NAALADL2: variants seen among roughly 807,000 people sequenced by gnomAD.
NAALADL2 encodes N-acetylated alpha-linked acidic dipeptidase like 2, also known as inactive N-acetylated-alpha-linked acidic dipeptidase-like protein 2.
Under a neutral mutation model 87.2 loss-of-function variants are expected in NAALADL2, and 76 were observed. That is an observed-to-expected ratio of 0.87 (90% CI 0.72 to 1.05). NAALADL2 has a LOEUF of 1.05. NAALADL2 is among the 50% of genes least tolerant of loss of function. NAALADL2 has a pLI of 0.00. For missense variants in NAALADL2, 1,089 were observed against 945.8 expected, an observed-to-expected ratio of 1.15 and a Z score of -1.99; for synonymous variants, 354 against 331.0, an observed-to-expected ratio of 1.07 and a Z score of -0.75.
chr3:175,411,792 A>G (rs1370990564), intron 5 of NAALADL2, among the ~76,000 whole-genome samples: 4 of 152,114 alleles, frequency 2.6e-5, no homozygotes, highest in African/African-American at 9.7e-5. Flanking sequence ...ATTACGTTGT[A>G]TCACTGACTA....
At chr3:175,205,658 C>T (rs1394695165) in intron 2 of NAALADL2, among the ~76,000 whole-genome samples, 3 of 152,036 alleles carry the variant, frequency 2.0e-5, no homozygotes, top group Non-Finnish European at 2.9e-5. Flanking sequence ...GTTAAACAGA[C>T]AACCCACAGA....
intron 2 of NAALADL2, among the ~76,000 whole-genome samples, chr3:174,577,640 A>G (rs1715678361): frequency 6.6e-6 from 1 of 152,148 alleles, no homozygotes; most frequent in Non-Finnish European, 1.5e-5. Flanking sequence ...AGCCAAGTTA[A>G]CTATCTACTA....
At chr3:175,617,731 T>C (rs1725541721) in intron 10 of NAALADL2, among the ~76,000 whole-genome samples, 1 of 152,158 alleles carries the variant, frequency 6.6e-6, no homozygotes. Flanking sequence ...AGTAATAAAC[T>C]TGTACTTTAG....
intron 3 of NAALADL2, among the ~76,000 whole-genome samples, chr3:174,754,371 AAATT>A (rs1196926156): frequency 2.0e-5 from 3 of 152,160 alleles, no homozygotes; most frequent in African/African-American, 7.2e-5. Context: ...ACATTTAAAT[AAATT>A]CTTAGAAATT....
chr3:174,787,604 T>TATATATACATATATATATATATATACAC, intron 3 of NAALADL2, among the ~76,000 whole-genome samples: 1 of 87,938 alleles, frequency 1.1e-5, no homozygotes, highest in East Asian at 5.2e-4. Flanking sequence ...TATATATATA[T>TATATATACATATATATATATATATACAC]ATATATATAT....
intron 1 of NAALADL2, chr3:174,458,618 T>G (rs1464121136): frequency 6.6e-6 from 1 of 152,208 alleles, no homozygotes; most frequent in Non-Finnish European, 1.5e-5. Context: ...GAATCAATAA[T>G]GTAGGATTGT....
intron 4 of NAALADL2, among the ~76,000 whole-genome samples, chr3:175,275,270 C>G (rs973368936): frequency 6.6e-6 from 1 of 152,082 alleles, no homozygotes; most frequent in Non-Finnish European, 1.5e-5. Context: ...CTAAGAATGT[C>G]CATCCTAATA....
intron 2 of NAALADL2, among the ~76,000 whole-genome samples, chr3:175,151,970 A>G (rs1006971241): frequency 1.3e-5 from 2 of 152,204 alleles, no homozygotes; most frequent in Non-Finnish European, 2.9e-5. Context: ...TGTCTACTAT[A>G]GTAATGCCAT....
intron 3 of NAALADL2, among the ~76,000 whole-genome samples, chr3:174,791,952 T>C (rs1717504977): frequency 6.6e-6 from 1 of 152,160 alleles, no homozygotes; most frequent in South Asian, 2.1e-4. Context: ...CTGACACCTG[T>C]AATCCCAGCA....
chr3:174,559,953 G>C (rs958302849), intron 2 of NAALADL2, among the ~76,000 whole-genome samples: 9 of 152,132 alleles, frequency 5.9e-5, no homozygotes, highest in Non-Finnish European at 1.0e-4. Flanking sequence ...TTGTGTCTTT[G>C]AGCAGATCAT....
intron 10 of NAALADL2, among the ~76,000 whole-genome samples, chr3:175,612,635 G>A (rs1433365407): frequency 3.9e-5 from 6 of 152,044 alleles, no homozygotes; most frequent in Non-Finnish European, 8.8e-5. Flanking sequence ...AGCCCTGACT[G>A]ACTGTTAAAC....
intron 4 of NAALADL2, among the ~76,000 whole-genome samples, chr3:175,323,364 G>C (rs576886194): frequency 2.1e-5 from 3 of 144,436 alleles, no homozygotes; most frequent in Admixed American, 6.9e-5. Flanking sequence ...GGGAGGGATA[G>C]CATTGGGAGA....
intron 5 of NAALADL2, among the ~76,000 whole-genome samples, chr3:175,429,210 C>CAT (rs3067102): frequency 0.61 from 89,288 of 147,546 alleles, 27,421 homozygotes; most frequent in Non-Finnish European, 0.66. Flanking sequence ...CACACACACA[C>CAT]ATATATATAC....
rs181066286 is a variant in NAALADL2, at chr3:175,609,101, T to C, written c.1801-18190T>C. 1.5e-4 allele frequency among the ~76,000 whole-genome samples: 23 copies of C among 151,976 alleles called. No homozygotes were observed. The East Asian group carries it at 4.5e-3, about 29-fold the overall frequency. On this transcript the variant is annotated intron_variant, in intron 10 of 13. Coordinates refer to ENST00000454872, the MANE Select transcript of NAALADL2 (RefSeq NM_207015.3). Reference sequence around the variant, plus strand: ...AGTGTATAATTGCAGGATCATGAAATAGAATGAAAATAGACACCCAGATTA... The same window carrying C: ...AGTGTATAATTGCAGGATCATGAAACAGAATGAAAATAGACACCCAGATTA...
intron 5 of NAALADL2, among the ~76,000 whole-genome samples, chr3:175,391,548 G>A (rs992140345): frequency 1.3e-5 from 2 of 152,198 alleles, no homozygotes; most frequent in African/African-American, 4.8e-5. Context: ...CTGATAGTTT[G>A]TGAGAAACTG....
intron 10 of NAALADL2, among the ~76,000 whole-genome samples, chr3:175,623,951 A>G (rs1726617136): frequency 6.6e-6 from 1 of 151,294 alleles, no homozygotes; most frequent in African/African-American, 2.4e-5. Flanking sequence ...AAATGAAAAA[A>G]AAAATACACA....
At chr3:175,518,448 T>C (rs1464686923) in intron 9 of NAALADL2, among the ~76,000 whole-genome samples, 1 of 152,244 alleles carries the variant, frequency 6.6e-6, no homozygotes, top group Non-Finnish European at 1.5e-5. Context: ...CACAAATATG[T>C]ATACATACTG....
intron 13 of NAALADL2, among the ~76,000 whole-genome samples, chr3:175,771,088 C>T (rs183735400): frequency 6.6e-6 from 1 of 152,226 alleles, no homozygotes; most frequent in East Asian, 1.9e-4. Flanking sequence ...AGATTAACTA[C>T]TAGAGGTTGA....
chr3:174,495,624 C>T (rs566555705), intron 1 of NAALADL2, among the ~76,000 whole-genome samples: 2 of 151,338 alleles, frequency 1.3e-5, no homozygotes, highest in South Asian at 2.1e-4. Context: ...ACTTTCCCAA[C>T]GAAGGGCAAT....
Sources: allele counts gnomAD v4.1 joint callset (sites outside exome capture counted in the v4.1 genomes callset), GRCh38; gene constraint gnomAD v4.1.1; transcripts MANE v1.5; gene names NCBI Gene and HGNC (gene_info 2026-07-23, HGNC 2026-07-21).